The following ELOVL5 variants were observed in gnomAD, a reference collection of about 807,000 sequenced individuals.
The protein encoded by ELOVL5 is very long chain fatty acid elongase 5.
ELOVL5 carries 8 observed loss-of-function variants against 38.6 expected under a neutral mutation model. The observed-to-expected ratio is 0.21, with a 90% CI of 0.12 to 0.37. The LOEUF (loss-of-function observed/expected upper bound fraction) is 0.37. Ranked by LOEUF, ELOVL5 falls within the 10% of genes least tolerant of loss-of-function variation. The pLI is 1.00. For synonymous variants in ELOVL5, 127 were observed against 133.7 expected (o/e 0.95, Z 0.34); for missense variants, 280 against 367.8 (o/e 0.76, Z 1.95).
chr6:53,339,655 T>G (rs189591190), intron 1 of ELOVL5, among the ~76,000 whole-genome samples: 3 of 152,182 alleles, frequency 2.0e-5, no homozygotes, highest in Non-Finnish European at 4.4e-5. Flanking sequence ...TGTGGTGATG[T>G]TGGTGTAAAT....
chr6:53,317,297 A>G (rs1388822017), intron 1 of ELOVL5, among the ~76,000 whole-genome samples: 2 of 152,248 alleles, frequency 1.3e-5, no homozygotes, highest in Non-Finnish European at 2.9e-5. Flanking sequence ...AACCATTTAA[A>G]AACCTAATCC....
chr6:53,273,362 T>A lies in ELOVL5; in HGVS notation c.497-18A>T. 1 of 1,611,848 alleles carries A rather than the reference T, an allele frequency of 6.2e-7. No homozygotes were observed. Among genetic ancestry groups the A allele is most frequent in the Non-Finnish European group, 8.5e-7 (1 of 1,178,832 alleles). ...AAAATAAGCTGCAGGAACAGAGGGA[T>A]TTGGGAAGGAGAATGTATTAGTGTT... On this transcript the variant is annotated intron_variant, in intron 5 of 7. Transcript: ENST00000304434.
intron 1 of ELOVL5, among the ~76,000 whole-genome samples, chr6:53,330,677 G>C (rs975643159): frequency 6.6e-6 from 1 of 151,652 alleles, no homozygotes; most frequent in East Asian, 1.9e-4. Context: ...GCATGCCACT[G>C]TTCATGAGTT....
At chr6:53,276,431 G>C (rs909314989) in intron 3 of ELOVL5, among the ~76,000 whole-genome samples, 175 bp from the exon 4 acceptor site, 17 of 152,200 alleles carry the variant, frequency 1.1e-4, no homozygotes, top group Non-Finnish European at 1.0e-4. Context: ...TTAATGACTT[G>C]AGTCTCAATT....
At chr6:53,343,082 G>C (rs772806284) in intron 1 of ELOVL5, among the ~76,000 whole-genome samples, 19 of 152,166 alleles carry the variant, frequency 1.2e-4, no homozygotes, top group Non-Finnish European at 2.1e-4. Flanking sequence ...TGAAAATCAG[G>C]TCAGGATAGG....
intron 1 of ELOVL5, among the ~76,000 whole-genome samples, chr6:53,346,560 C>T (rs915583127): frequency 1.3e-5 from 2 of 151,820 alleles, no homozygotes; most frequent in African/African-American, 2.4e-5. Flanking sequence ...GAGGATTAGC[C>T]TTTTGATAAC....
intron 1 of ELOVL5, among the ~76,000 whole-genome samples, chr6:53,301,288 G>A (rs183692929): frequency 3.9e-5 from 6 of 152,260 alleles, no homozygotes; most frequent in South Asian, 2.1e-4. Flanking sequence ...TCACACTACA[G>A]GCAGCCTGGG....
At chr6:53,328,437 G>A (rs1396860309) in intron 1 of ELOVL5, among the ~76,000 whole-genome samples, 1 of 152,156 alleles carries the variant, frequency 6.6e-6, no homozygotes, top group Non-Finnish European at 1.5e-5. Flanking sequence ...ATCAAGAGGA[G>A]GCTAATGCTC....
At chr6:53,285,049 G>A (rs894112405) in intron 3 of ELOVL5, among the ~76,000 whole-genome samples, 9 of 152,112 alleles carry the variant, frequency 5.9e-5, no homozygotes, top group Non-Finnish European at 1.0e-4. Context: ...GCCTCTAAGT[G>A]CTGAAGTGAA....
At chr6:53,348,666 C>A (rs577895176) in intron 1 of ELOVL5, among the ~76,000 whole-genome samples, 151 bp downstream of exon 1, 1 of 152,206 alleles carries the variant, frequency 6.6e-6, no homozygotes, top group Non-Finnish European at 1.5e-5. Flanking sequence ...AGGCCGCGGG[C>A]GGAGCGCGGG....
In ELOVL5 at chr6:53,269,169, G is replaced by C; in HGVS notation, c.858C>G (p.Pro286=). The C allele has an allele frequency of 1.2e-6, 2 of 1,613,916 alleles. No homozygotes were observed. The highest frequency in any genetic ancestry group is 1.7e-6 in the Non-Finnish European group (2 of 1,179,926). Residue 286 remains proline, a synonymous_variant, in exon 8 of 8, where the codon CCC becomes CCG. Transcript: ENST00000304434. The stretch of plus-strand genomic sequence containing the variant: ...TCCTTGGCTTCACATTGTTTTCCAG[G>C]GGTGAAAAGCTGTTGGTGTGTCCAT... The part of the protein sequence containing the change: ...AVNGHTNSFS[P]LENNVKPRKL...
chr6:53,348,896 C>A lies in ELOVL5; in HGVS notation c.-88G>T. The A allele has an allele frequency of 2.2e-6, 1 of 453,324 alleles. No homozygotes were observed. The highest frequency in any genetic ancestry group is 1.5e-5 in the South Asian group (1 of 64,734). 28.1% of individuals were successfully genotyped at this position (453,324 alleles called of 1,614,324 possible). A position where few individuals can be genotyped will look rare whatever the true frequency, so the allele number is the denominator to read the frequency against. ...GAGGGAGCGCGGGTGGCAGCCGGCG[C>A]AGAGGCGGATGTAGAAGGAGACACC... On this transcript the variant is annotated 5_prime_UTR_variant, in exon 1 of 8. Transcript: ENST00000304434.
At chr6:53,336,058 T>C (rs79011473) in intron 1 of ELOVL5, among the ~76,000 whole-genome samples, 2,226 of 152,328 alleles carry the variant, frequency 0.015, 63 homozygotes, top group African/African-American at 0.051. Context: ...TATTTTGGCA[T>C]GTCCATCGCT....
chr6:53,269,125 C>CT lies in ELOVL5; in HGVS notation c.*1dup, dbSNP rs1280853462. 2.5e-6 allele frequency: 4 copies of CT among 1,612,416 alleles called. No homozygotes were observed. Among genetic ancestry groups the CT allele is most frequent in the Admixed American group, 3.3e-5 (2 of 59,768 alleles). ...GGTTTGGAGGGTTTCAATTCTTTGACTTCAATCCTTCCGCAGCTTCCTTGG... is the reference window on the plus strand; with the variant it reads ...GGTTTGGAGGGTTTCAATTCTTTGACTTTCAATCCTTCCGCAGCTTCCTTGG... On this transcript the variant is annotated 3_prime_UTR_variant, in exon 8 of 8. Coordinates refer to ENST00000304434, the MANE Select transcript of ELOVL5 (RefSeq NM_021814.5).
At chr6:53,334,170 G>A (rs1234333919) in intron 1 of ELOVL5, among the ~76,000 whole-genome samples, 1 of 152,110 alleles carries the variant, frequency 6.6e-6, no homozygotes, top group Non-Finnish European at 1.5e-5. Context: ...TTTAAAAACA[G>A]AATTTAACAC....
At chr6:53,275,550 A>G (rs1241287218) in intron 4 of ELOVL5, among the ~76,000 whole-genome samples, 2 of 152,232 alleles carry the variant, frequency 1.3e-5, no homozygotes, top group East Asian at 1.9e-4. Context: ...CATGAGGCTC[A>G]AGGTTCAAAA....
At chr6:53,319,391 T>TA (rs1768206814) in intron 1 of ELOVL5, among the ~76,000 whole-genome samples, 4 of 148,824 alleles carry the variant, frequency 2.7e-5, no homozygotes, top group Non-Finnish European at 5.9e-5. Context: ...TGGATTCACA[T>TA]ACTCAAGTTG....
intron 3 of ELOVL5, among the ~76,000 whole-genome samples, chr6:53,278,792 C>T (rs1052645540): frequency 1.3e-5 from 2 of 152,182 alleles, no homozygotes; most frequent in Non-Finnish European, 2.9e-5. Flanking sequence ...CTCACACCTA[C>T]CACACTTCCA....
At position 53,291,922 on chromosome 6, in the gene ELOVL5, G is replaced by A; in HGVS notation, c.100C>T (p.Pro34Ser). The A allele has an allele frequency of 1.2e-6, 2 of 1,604,634 alleles. No homozygotes were observed. Among genetic ancestry groups the A allele is most frequent in the East Asian group, 2.2e-5 (1 of 44,670 alleles). Reference sequence around the variant, plus strand: ...TATATGACAGAGCAGATAAATGTGGGTATATAATTGTCCAGAAGAAACCAT... The same window carrying A: ...TATATGACAGAGCAGATAAATGTGGATATATAATTGTCCAGAAGAAACCAT... ...KGWFLLDNYI[P>S]TFICSVIYLL... Residue 34 changes from proline (P) to serine (S), a missense_variant, in exon 3 of 8, where the codon CCC (proline) becomes TCC (serine). By Grantham distance (74) the Pro-to-Ser change is moderately conservative (BLOSUM62 -1). Coordinates refer to ENST00000304434, the MANE Select transcript of ELOVL5 (RefSeq NM_021814.5).
Sources: allele counts gnomAD v4.1 joint callset (sites outside exome capture counted in the v4.1 genomes callset), GRCh38; gene constraint gnomAD v4.1.1; transcripts MANE v1.5; gene names NCBI Gene and HGNC (gene_info 2026-07-23, HGNC 2026-07-21).